PTPN7: variants seen among roughly 807,000 people sequenced by gnomAD.
PTPN7 encodes the protein tyrosine-protein phosphatase non-receptor type 7.
In PTPN7, 33 loss-of-function variants were observed where a neutral mutation model predicts 50.3. That is an observed-to-expected ratio of 0.66 (90% CI 0.50 to 0.88). PTPN7 has a LOEUF of 0.88. PTPN7 is among the 40% of genes least tolerant of loss of function. The probability of loss-of-function intolerance (pLI) is 0.00; values close to 1 mark genes in which losing one functional copy is unlikely to be tolerated. For missense variants in PTPN7, 412 were observed against 475.4 expected (o/e 0.87, Z 1.24); for synonymous variants, 185 against 186.6 (o/e 0.99, Z 0.07).
rs1656560357 is a variant in PTPN7, at chr1:202,155,546, G to A, written c.455C>T (p.Ala152Val). Residue 152 changes from alanine to valine, a missense_variant, in exon 5 of 10, where the codon GCC (alanine) becomes GTC (valine). Physicochemically the swap from Ala to Val is moderately conservative, Grantham distance 64 (BLOSUM62 0). Transcript: ENST00000691036. ...QSQEDGDYIN[A>V]NYIRGYDGKE... ...CAGGCCACTCACTCGGATGTAGTTG[G>A]CATTGATGTAATCTCCGTCCTCCTG... 6.4e-7 allele frequency: 1 copy of A among 1,555,656 alleles called. No homozygotes were observed. Among genetic ancestry groups the A allele is most frequent in the South Asian group, 1.1e-5 (1 of 89,878 alleles).
At position 202,159,596 on chromosome 1, in the gene PTPN7, A is replaced by G; in HGVS notation, c.-52-142T>C. The stretch of plus-strand genomic sequence containing the variant: ...GAGGTGGCCTCATTTTCACTAAGGG[A>G]AGGACAGGATCTATTTGGTGGGACC... On this transcript the variant is annotated intron_variant, in intron 1 of 9. Coordinates refer to ENST00000691036, the MANE Select transcript of PTPN7 (RefSeq NM_002832.4). This position sits in a 1 kb window ranked among gnomAD's most constrained non-coding sequence, Gnocchi z 4.6. The G allele has an allele frequency of 6.7e-7, 1 of 1,488,550 alleles. No homozygotes were observed. Among genetic ancestry groups the G allele is most frequent in the Non-Finnish European group, 8.9e-7 (1 of 1,123,856 alleles). 92.2% of individuals were successfully genotyped at this position (1,488,550 alleles called of 1,614,324 possible).
rs1284399918 is a variant in PTPN7, at chr1:202,158,206, T to C, written c.218A>G (p.His73Arg). The change falls in exon 3 of 10, where the codon CAC (histidine) becomes CGC (arginine). Residue 73 changes from histidine to arginine, a missense_variant. Transcript: ENST00000691036. ...SVNTPREVTL[H>R]FLRTAGHPLT... is the part of the protein sequence containing the mutation. ...GGGGTGTCCAGCAGTGCGCAGAAAG[T>C]GTAGGGTGACCTCCCGGGGTGTGTT... 4 of 1,613,884 alleles carry C rather than the reference T, an allele frequency of 2.5e-6. No individual in the cohort carries two copies. In the Admixed American group the frequency reaches 6.7e-5, roughly 27 times the overall value.
Position 202,148,514 on chromosome 1 carries a change from G to A in PTPN7, c.*92C>T, listed in dbSNP as rs1655564650. 4 of 1,176,312 alleles carry A rather than the reference G, an allele frequency of 3.4e-6. No individual in the cohort carries two copies. The South Asian group carries it at 4.2e-5, about 12-fold the overall frequency. 72.9% of individuals were successfully genotyped at this position (1,176,312 alleles called of 1,614,324 possible). On this transcript the variant is annotated 3_prime_UTR_variant, in exon 10 of 10. Coordinates refer to ENST00000691036, the MANE Select transcript of PTPN7 (RefSeq NM_002832.4). ...ACTCCTTCCCCACACCAACCCAAGGGGTACCCCCAGATCACTCGGCCCACT... is the reference window on the plus strand; with the variant it reads ...ACTCCTTCCCCACACCAACCCAAGGAGTACCCCCAGATCACTCGGCCCACT...
At chr1:202,148,847 C>CATTTTTT (rs35165620) in intron 9 of PTPN7, 148 bp from the exon 10 acceptor site, 27 of 137,536 alleles carry the variant, frequency 2.0e-4, no homozygotes, top group African/African-American at 1.1e-3. Context: ...CATCTTTTCA[C>CATTTTTT]TTTTTTTTTT....
In PTPN7 at chr1:202,159,901, G is replaced by A. The variant is rs978266575; in HGVS notation, c.-52-447C>T. On this transcript the variant is annotated intron_variant, in intron 1 of 9. Coordinates refer to ENST00000691036, the MANE Select transcript of PTPN7 (RefSeq NM_002832.4). The surrounding 1 kb of genome is among the most constrained non-coding windows in gnomAD (Gnocchi z 4.6). Reference sequence around the variant, plus strand: ...AGAATGGAGGCCTCCAGCAGTGTTGGAGCTGGTTGGGCAGCCAGGCAGGCG... The same window carrying A: ...AGAATGGAGGCCTCCAGCAGTGTTGAAGCTGGTTGGGCAGCCAGGCAGGCG... The A allele has an allele frequency of 1.0e-4, 103 of 1,016,430 alleles. No homozygotes were observed. The African/African-American group carries it at 1.7e-3, about 17-fold the overall frequency. The allele number at this position is 1,016,430 out of a possible 1,614,324, so 63.0% of individuals were successfully genotyped here. A position where few individuals can be genotyped will look rare whatever the true frequency, so the allele number is the denominator to read the frequency against.
At chr1:202,157,235 C>G (rs115932825) in intron 4 of PTPN7, among the ~76,000 whole-genome samples, 4,480 of 152,314 alleles carry the variant, frequency 0.029, 102 homozygotes, top group Non-Finnish European at 0.047. Flanking sequence ...TGAGGCTGGA[C>G]GCGGTGGCTT....
intron 6 of PTPN7, 76 bp from the exon 7 acceptor site, chr1:202,153,911 C>G: frequency 8.0e-7 from 1 of 1,249,686 alleles, no homozygotes; most frequent in Non-Finnish European, 1.2e-6. Context: ...GGGCTGGTAT[C>G]TCCTCCCCAT....
At chr1:202,157,669 C>T in intron 4 of PTPN7, 70 bp downstream of exon 4, 2 of 1,441,144 alleles carry the variant, frequency 1.4e-6, no homozygotes, top group African/African-American at 1.4e-5. Flanking sequence ...AAACTGTGTA[C>T]TTTGTCCTCT....
chr1:202,151,680 G>A (rs1656021539), intron 8 of PTPN7, among the ~76,000 whole-genome samples: 1 of 151,988 alleles, frequency 6.6e-6, no homozygotes, highest in Non-Finnish European at 1.5e-5. Context: ...ACCATGTGTG[G>A]CTAATTTTGT....
At chr1:202,150,449 G>C in intron 8 of PTPN7, 25 bp from the exon 9 acceptor site, 1 of 1,550,352 alleles carries the variant, frequency 6.5e-7, no homozygotes, top group Non-Finnish European at 8.8e-7. Flanking sequence ...GGAGGGGACA[G>C]GGAGGTCATG....
At position 202,148,090 on chromosome 1, in the gene PTPN7, C is replaced by G. The variant is rs1655523641; in HGVS notation, c.*516G>C. 6.6e-6 allele frequency: 1 copy of G among 152,368 alleles called. No homozygotes were observed. Among genetic ancestry groups the G allele is most frequent in the Admixed American group, 6.5e-5 (1 of 15,288 alleles). The allele number at this position is 152,368 out of a possible 1,614,324, so 9.4% of individuals were successfully genotyped here. ...GATCAGGACCAGACTTTTCCCCATT[C>G]TTGCATCTGGCCTGTGCTTGGGCAG... is the stretch of plus-strand genomic sequence containing the variant. On this transcript the variant is annotated 3_prime_UTR_variant, in exon 10 of 10. Transcript: ENST00000691036.
intron 8 of PTPN7, among the ~76,000 whole-genome samples, chr1:202,152,147 G>T (rs1656075471): frequency 6.6e-6 from 1 of 152,224 alleles, no homozygotes; most frequent in African/African-American, 2.4e-5. Flanking sequence ...CTGACCTCAG[G>T]TGATCTGCCA....
In PTPN7 at chr1:202,158,267, G is replaced by T. The variant is rs558268640; in HGVS notation, c.157C>A (p.Arg53=). 6.2e-7 allele frequency: 1 copy of T among 1,614,124 alleles called. No individual in the cohort carries two copies. Among genetic ancestry groups the T allele is most frequent in the Non-Finnish European group, 8.5e-7 (1 of 1,180,004 alleles). ...GSNVALMLDV[R]SLGAVEPICS... The stretch of plus-strand genomic sequence containing the variant: ...ATGGGTTCTACGGCCCCCAGGGACC[G>T]AACGTCCAGCATCAGAGCCACATTG... The change falls in exon 3 of 10, where the codon CGG becomes AGG. Residue 53 remains arginine, a synonymous_variant. Coordinates refer to ENST00000691036, the MANE Select transcript of PTPN7 (RefSeq NM_002832.4).
rs200043199 is a variant in PTPN7, at chr1:202,153,714, G to T, written c.717+11C>A. ...AACTTCCCACTGGGCCTGGCTCCGG[G>T]GGGGTGGTACCTGGATGGTGAGCTG... On this transcript the variant is annotated intron_variant, in intron 7 of 9. Coordinates refer to ENST00000691036, the MANE Select transcript of PTPN7 (RefSeq NM_002832.4). 8 of 1,608,860 alleles carry T rather than the reference G, an allele frequency of 5.0e-6. No homozygotes were observed. Among genetic ancestry groups the T allele is most frequent in the South Asian group, 2.2e-5 (2 of 90,984 alleles).
At position 202,150,343 on chromosome 1, in the gene PTPN7, A is replaced by G. The variant is rs1571736678; in HGVS notation, c.957T>C (p.Ile319=). 6.2e-7 allele frequency: 1 copy of G among 1,613,010 alleles called. No homozygotes were observed. Among genetic ancestry groups the G allele is most frequent in the East Asian group, 2.2e-5 (1 of 44,872 alleles). Residue 319 remains isoleucine (I), a synonymous_variant, in exon 9 of 10, where the codon ATT becomes ATC. Coordinates refer to ENST00000691036, the MANE Select transcript of PTPN7 (RefSeq NM_002832.4). ...GCCGCAGTTGGCACACAATACCCAGAATGTCCACTTCTCCTCGGGCTTTCA... is the reference window on the plus strand; with the variant it reads ...GCCGCAGTTGGCACACAATACCCAGGATGTCCACTTCTCCTCGGGCTTTCA... The part of the protein sequence containing the change: ...QQLKARGEVD[I]LGIVCQLRLD...
chr1:202,159,738 C>T lies in PTPN7; in HGVS notation c.-52-284G>A. On this transcript the variant is annotated intron_variant, in intron 1 of 9. Coordinates refer to ENST00000691036, the MANE Select transcript of PTPN7 (RefSeq NM_002832.4). The surrounding 1 kb of genome is among the most constrained non-coding windows in gnomAD (Gnocchi z 4.6). ...GAGAGAGGGGAGAGAGGCCACACACCAGAGTACACAGGGCTCTGAGCAGGT... is the reference window on the plus strand; with the variant it reads ...GAGAGAGGGGAGAGAGGCCACACACTAGAGTACACAGGGCTCTGAGCAGGT... The T allele has an allele frequency of 7.4e-7, 1 of 1,352,000 alleles. No homozygotes were observed. Among genetic ancestry groups the T allele is most frequent in the Non-Finnish European group, 9.5e-7 (1 of 1,053,032 alleles). 83.8% of individuals were successfully genotyped at this position (1,352,000 alleles called of 1,614,324 possible). A position where few individuals can be genotyped will look rare whatever the true frequency, so the allele number is the denominator to read the frequency against.
rs1285175911 is a variant in PTPN7, at chr1:202,159,690, G to A, written c.-52-236C>T. 1 of 1,375,036 alleles carries A rather than the reference G, an allele frequency of 7.3e-7. No individual in the cohort carries two copies. The highest frequency in any genetic ancestry group is 1.9e-5 in the South Asian group (1 of 51,652). The allele number at this position is 1,375,036 out of a possible 1,614,324, so 85.2% of individuals were successfully genotyped here. A position where few individuals can be genotyped will look rare whatever the true frequency, so the allele number is the denominator to read the frequency against. ...GGGTAGAGATTGTGGATGAAGATAG[G>A]AAAGAATCCAGAAGGAGGAAAAGAG... On this transcript the variant is annotated intron_variant, in intron 1 of 9. Coordinates refer to ENST00000691036, the MANE Select transcript of PTPN7 (RefSeq NM_002832.4). The surrounding 1 kb of genome is among the most constrained non-coding windows in gnomAD (Gnocchi z 4.6).
chr1:202,159,691 A>G lies in PTPN7; in HGVS notation c.-52-237T>C. ...GGTAGAGATTGTGGATGAAGATAGG[A>G]AAGAATCCAGAAGGAGGAAAAGAGA... On this transcript the variant is annotated intron_variant, in intron 1 of 9. Transcript: ENST00000691036. The surrounding 1 kb of genome is among the most constrained non-coding windows in gnomAD (Gnocchi z 4.6). 1 of 1,374,130 alleles carries G rather than the reference A, an allele frequency of 7.3e-7. No individual in the cohort carries two copies. Among genetic ancestry groups the G allele is most frequent in the Non-Finnish European group, 9.4e-7 (1 of 1,064,434 alleles). 85.1% of individuals were successfully genotyped at this position (1,374,130 alleles called of 1,614,324 possible).
intron 5 of PTPN7, among the ~76,000 whole-genome samples, 155 bp from the exon 6 acceptor site, chr1:202,154,478 A>G (rs1176728613): frequency 6.6e-6 from 1 of 152,206 alleles, no homozygotes; most frequent in Non-Finnish European, 1.5e-5. Context: ...AAGCCACATG[A>G]TGGAAAGGAT....
Sources: allele counts gnomAD v4.1 joint callset (sites outside exome capture counted in the v4.1 genomes callset), GRCh38; gene constraint gnomAD v4.1.1; non-coding constraint Gnocchi (gnomAD v3.1); transcripts MANE v1.5; gene names NCBI Gene and HGNC (gene_info 2026-07-23, HGNC 2026-07-21).